Variants in CTDSP2 observed in about 807,000 individuals in gnomAD.
The protein encoded by CTDSP2 is carboxy-terminal domain RNA polymerase II polypeptide A small phosphatase 2.
A neutral mutation model predicts 31.6 loss-of-function variants in CTDSP2; 9 were observed. The observed-to-expected ratio is 0.28, with a 90% confidence interval of 0.17 to 0.50. CTDSP2 has a LOEUF of 0.50. CTDSP2 is among the 20% of genes least tolerant of loss of function. CTDSP2 has a pLI of 0.98. For synonymous variants in CTDSP2, 134 were observed against 134.5 expected, an observed-to-expected ratio of 1.00 and a Z score of 0.03; for missense variants, 267 against 348.5, an observed-to-expected ratio of 0.77 and a Z score of 1.86.
chr12:57,832,136 G>A (rs1047012528), intron 1 of CTDSP2, among the ~76,000 whole-genome samples: 3 of 152,208 alleles, frequency 2.0e-5, no homozygotes, highest in Non-Finnish European at 4.4e-5. Context: ...CAGAGCTTGC[G>A]CGCATGCTCT....
At chr12:57,826,505 T>G in intron 4 of CTDSP2, 103 bp from the exon 5 acceptor site, 1 of 1,092,984 alleles carries the variant, frequency 9.1e-7, no homozygotes, top group Non-Finnish European at 1.4e-6. Flanking sequence ...TAAAGACTCC[T>G]GGAAGTGCCT....
At chr12:57,831,524 G>A (rs887702644) in intron 1 of CTDSP2, among the ~76,000 whole-genome samples, 1 of 152,198 alleles carries the variant, frequency 6.6e-6, no homozygotes, top group Non-Finnish European at 1.5e-5. Context: ...TTGAGCAAGA[G>A]TAGAAAGATA....
In CTDSP2 at chr12:57,823,560, A is replaced by C; in HGVS notation, c.*42T>G. 1 of 1,608,840 alleles carries C rather than the reference A, an allele frequency of 6.2e-7. No individual in the cohort carries two copies. The highest frequency in any genetic ancestry group is 8.5e-7 in the Non-Finnish European group (1 of 1,178,296). ...CTGATCGTAAAGGCACAGTGTGGGA[A>C]AGTCCCCTACTGGGATGGCCGTCGC... On this transcript the variant is annotated 3_prime_UTR_variant, in exon 8 of 8. Coordinates refer to ENST00000398073, the MANE Select transcript of CTDSP2 (RefSeq NM_005730.4).
rs186363123 is a variant in CTDSP2, at chr12:57,840,310, C to T, written c.64+6062G>A. On this transcript the variant is annotated intron_variant, in intron 1 of 7. Transcript: ENST00000398073. ...CAGTATCTACCGGTTGCCAGGGTCTCTGACTAACCCAGGGCTAGAAGGCAA... is the reference window on the plus strand; with the variant it reads ...CAGTATCTACCGGTTGCCAGGGTCTTTGACTAACCCAGGGCTAGAAGGCAA... 1.3e-3 allele frequency among the ~76,000 whole-genome samples: 204 copies of T among 152,360 alleles called. 2 individuals are homozygous for T. The highest frequency in any genetic ancestry group is 4.6e-3 in the African/African-American group (191 of 41,584).
At position 57,826,420 on chromosome 12, in the gene CTDSP2, TA is replaced by T; in HGVS notation, c.355-19del. ...TTGATTGGCTGGAAGGCAGAAAAGT[TA>T]ATGCTGTCAGCATGGTGGCAAAGAA... On this transcript the variant is annotated intron_variant, in intron 4 of 7. Transcript: ENST00000398073. 6.2e-7 allele frequency: 1 copy of T among 1,613,582 alleles called. No individual in the cohort carries two copies. The highest frequency in any genetic ancestry group is 8.5e-7 in the Non-Finnish European group (1 of 1,179,542).
chr12:57,824,599 G>A (rs41292017), intron 5 of CTDSP2: 9,082 of 620,694 alleles, frequency 0.015, 99 homozygotes, highest in Middle Eastern at 0.025. Flanking sequence ...GTTTCCGGCG[G>A]CGGACCATCA....
chr12:57,831,103 TAAAAAAA>T (rs11309444), intron 1 of CTDSP2, among the ~76,000 whole-genome samples: 2 of 121,630 alleles, frequency 1.6e-5, no homozygotes, highest in African/African-American at 6.6e-5. Flanking sequence ...GCCAAGCAGA[TAAAAAAA>T]AAAAAAAAAA....
In CTDSP2 at chr12:57,829,558, G is replaced by A. The variant is rs756395154; in HGVS notation, c.103C>T (p.Arg35Cys). 5 of 1,614,018 alleles carry A rather than the reference G, an allele frequency of 3.1e-6. No homozygotes were observed. The highest frequency in any genetic ancestry group is 1.6e-4 in the Middle Eastern group (1 of 6,084). Residue 35 changes from arginine (R) to cysteine (C), a missense_variant, in exon 2 of 8, where the codon CGT (arginine) becomes TGT (cysteine). Arg to Cys is a radical substitution (Grantham distance 180). Transcript: ENST00000398073. ...SKSSPKKPRGRNIFKALFCCF... is the reference protein window; with the variant it reads ...SKSSPKKPRGCNIFKALFCCF... ...CAGAAAAGGGCCTTGAAGATGTTAC[G>A]TCCACGAGGCTTCTTAGGAGAGGAC...
chr12:57,837,579 T>C (rs2140482058), intron 1 of CTDSP2, among the ~76,000 whole-genome samples: 1 of 152,060 alleles, frequency 6.6e-6, no homozygotes, highest in Middle Eastern at 3.4e-3. Context: ...TAATCCCAGC[T>C]ACTCCGGAGG....
At chr12:57,835,699 T>G (rs1457022261) in intron 1 of CTDSP2, among the ~76,000 whole-genome samples, 1 of 152,210 alleles carries the variant, frequency 6.6e-6, no homozygotes, top group African/African-American at 2.4e-5. Flanking sequence ...CAGCTCTGGC[T>G]TAAGAAGAAA....
At chr12:57,846,051 A>C (rs1258563526) in intron 1 of CTDSP2, among the ~76,000 whole-genome samples, 4 of 151,612 alleles carry the variant, frequency 2.6e-5, no homozygotes, top group Admixed American at 2.6e-4. Flanking sequence ...CCCACCCCCA[A>C]CTCCGGAGGC....
In CTDSP2 at chr12:57,823,924, T is replaced by A; in HGVS notation, c.670A>T (p.Ile224Leu). The A allele has an allele frequency of 6.2e-7, 1 of 1,614,026 alleles. No individual in the cohort carries two copies. The highest frequency in any genetic ancestry group is 8.5e-7 in the Non-Finnish European group (1 of 1,180,004). The change falls in exon 7 of 8, where the codon ATA (isoleucine) becomes TTA (leucine). Residue 224 changes from isoleucine (I) to leucine (L), a missense_variant. Ile to Leu is a conservative substitution (Grantham distance 5). Transcript: ENST00000398073. ...CTCACTGCATTCTCGGGGTGGAATA[T>A]GTAAGAAGCAGGCGAGTTGTCCAGG... ...LILDNSPASY[I>L]FHPENAVPVQ...
rs779490482 is a variant in CTDSP2 at position 57,826,343 on chromosome 12, C to T, written c.411+3G>A. 1.3e-5 allele frequency: 21 copies of T among 1,613,796 alleles called. No homozygotes were observed. The highest frequency in any genetic ancestry group is 1.7e-5 in the Non-Finnish European group (20 of 1,179,956). Reference sequence around the variant, plus strand: ...GCTGGGTGTGGTCTGGCTGGCAGCTCACCTGGTGAGTGGTCCCCTCAATCT... The same window carrying T: ...GCTGGGTGTGGTCTGGCTGGCAGCTTACCTGGTGAGTGGTCCCCTCAATCT... On this transcript the variant is annotated splice_donor_region_variant and intron_variant, in intron 5 of 7. Transcript: ENST00000398073.
At chr12:57,845,735 G>A (rs896318858) in intron 1 of CTDSP2, among the ~76,000 whole-genome samples, 2 of 152,122 alleles carry the variant, frequency 1.3e-5, no homozygotes, top group Non-Finnish European at 2.9e-5. Flanking sequence ...CAGCCGGGAG[G>A]GAGCCCGACG....
chr12:57,837,823 G>A (rs993997210), intron 1 of CTDSP2, among the ~76,000 whole-genome samples: 2 of 152,194 alleles, frequency 1.3e-5, no homozygotes, highest in Non-Finnish European at 1.5e-5. Flanking sequence ...ACCTAAGCCA[G>A]TGTCTCCATT....
intron 5 of CTDSP2, among the ~76,000 whole-genome samples, chr12:57,825,494 T>C (rs1956177236): frequency 6.6e-6 from 1 of 152,244 alleles, no homozygotes; most frequent in African/African-American, 2.4e-5. Flanking sequence ...TTTGAAAATA[T>C]GCCTTCATCT....
At chr12:57,840,546 A>G (rs1956276527) in intron 1 of CTDSP2, among the ~76,000 whole-genome samples, 1 of 152,182 alleles carries the variant, frequency 6.6e-6, no homozygotes, top group South Asian at 2.1e-4. Flanking sequence ...CTGCGGGAAC[A>G]GAAAAGCTGG....
At chr12:57,831,636 G>C (rs1956216463) in intron 1 of CTDSP2, among the ~76,000 whole-genome samples, 1 of 152,190 alleles carries the variant, frequency 6.6e-6, no homozygotes, top group African/African-American at 2.4e-5. Flanking sequence ...CCTAGAGCCT[G>C]AGCAGGAGAT....
At chr12:57,830,421 CCAACAACAA>C (rs376992203) in intron 1 of CTDSP2, among the ~76,000 whole-genome samples, 11 of 151,638 alleles carry the variant, frequency 7.3e-5, no homozygotes, top group South Asian at 2.1e-4. Context: ...ACAAACAAAA[CCAACAACAA>C]CAACAACAAC....
Sources: allele counts gnomAD v4.1 joint callset (sites outside exome capture counted in the v4.1 genomes callset), GRCh38; gene constraint gnomAD v4.1.1; transcripts MANE v1.5; gene names NCBI Gene and HGNC (gene_info 2026-07-23, HGNC 2026-07-21).